Variants in GSG1L observed in about 807,000 individuals in gnomAD.
GSG1L encodes the protein GSG1 like.
Under a neutral mutation model 42.1 loss-of-function variants are expected in GSG1L, and 24 were observed. The observed-to-expected ratio is 0.57, with a 90% CI of 0.41 to 0.80. The LOEUF (loss-of-function observed/expected upper bound fraction) is 0.80, where lower values mean the gene tolerates loss of function less well. GSG1L is among the 30% of genes least tolerant of loss of function. GSG1L has a pLI of 0.00. For missense variants in GSG1L, 445 were observed against 472.2 expected (o/e 0.94, Z 0.53); for synonymous variants, 215 against 203.5 (o/e 1.06, Z -0.48).
chr16:28,048,072 AAT>A (rs1491212221), intron 1 of GSG1L, among the ~76,000 whole-genome samples: 9 of 149,784 alleles, frequency 6.0e-5, no homozygotes, highest in African/African-American at 2.3e-4. Context: ...AAAAAAAAAA[AAT>A]TTTAATTAGC....
chr16:27,806,506 C>G (rs28463124), intron 6 of GSG1L, among the ~76,000 whole-genome samples: 6,335 of 152,224 alleles, frequency 0.042, 144 homozygotes, highest in Admixed American at 0.071. Context: ...AAAAGTGGGA[C>G]AGGGATGGGA....
At chr16:28,022,908 G>A (rs1443640524) in intron 1 of GSG1L, among the ~76,000 whole-genome samples, 1 of 152,048 alleles carries the variant, frequency 6.6e-6, no homozygotes, top group East Asian at 1.9e-4. Context: ...CTGACCTCAT[G>A]ATCCGCCTGC....
chr16:27,869,524 T>C (rs1596570403), intron 3 of GSG1L, among the ~76,000 whole-genome samples: 1 of 147,298 alleles, frequency 6.8e-6, no homozygotes, highest in Admixed American at 6.7e-5. Context: ...TCCATCCATC[T>C]CTCTCTCCTC....
At chr16:27,797,991 C>T (rs923792517) in intron 6 of GSG1L, among the ~76,000 whole-genome samples, 5 of 151,962 alleles carry the variant, frequency 3.3e-5, no homozygotes, top group African/African-American at 1.2e-4. Flanking sequence ...CACATACGGC[C>T]ATAGAAAGGG....
At chr16:27,872,902 A>G (rs1354939912) in intron 3 of GSG1L, among the ~76,000 whole-genome samples, 1 of 152,182 alleles carries the variant, frequency 6.6e-6, no homozygotes, top group Non-Finnish European at 1.5e-5. Context: ...TGGTTTGCAT[A>G]TAATCAGGAA....
In GSG1L at chr16:28,063,277, C is replaced by T; in HGVS notation, c.148G>A (p.Ala50Thr). The change falls in exon 1 of 7, where the codon GCC becomes ACC. Residue 50 changes from alanine to threonine, a missense_variant. Ala to Thr is a moderately conservative substitution (Grantham distance 58). This residue lies in a region of GSG1L where 156 missense variants were observed against 128.3 expected (regional missense o/e 1.22). Transcript: ENST00000447459. This position sits in a 1 kb window ranked among gnomAD's most constrained non-coding sequence, Gnocchi z 5.8. ...TTGGCGCCCGAGTTGGGGCAGTTGG[C>T]GCGCCCGCCCTGGCCGCAGCCCGGC... ...PKPGCGQGGR[A>T]NCPNSGANAT... The T allele has an allele frequency of 7.3e-7, 1 of 1,362,496 alleles. No homozygotes were observed. The allele number at this position is 1,362,496 out of a possible 1,614,324, so 84.4% of individuals were successfully genotyped here.
At chr16:28,017,397 G>C (rs1438926674) in intron 1 of GSG1L, among the ~76,000 whole-genome samples, 1 of 152,178 alleles carries the variant, frequency 6.6e-6, no homozygotes, top group Non-Finnish European at 1.5e-5. Flanking sequence ...GCAACCACTT[G>C]GGAAAACTTC....
At chr16:27,816,719 G>A (rs1384394850) in intron 5 of GSG1L, among the ~76,000 whole-genome samples, 8 of 152,156 alleles carry the variant, frequency 5.3e-5, no homozygotes, top group Non-Finnish European at 7.4e-5. Flanking sequence ...ATGGGCCTTC[G>A]TGAGCAGTCC....
chr16:27,803,784 TATATATATATAGATAG>T (rs754978870), intron 6 of GSG1L, among the ~76,000 whole-genome samples: 6 of 92,114 alleles, frequency 6.5e-5, no homozygotes, highest in African/African-American at 2.3e-4. Context: ...TATATATATA[TATATATATATAGATAG>T]ATAGATATAG....
intron 3 of GSG1L, among the ~76,000 whole-genome samples, chr16:27,872,992 C>G (rs2083841640): frequency 6.6e-6 from 1 of 152,180 alleles, no homozygotes; most frequent in Admixed American, 6.5e-5. Flanking sequence ...CCTTTACTTT[C>G]CTAATAAAGT....
At chr16:27,904,930 C>T (rs564610712) in intron 2 of GSG1L, among the ~76,000 whole-genome samples, 4 of 152,280 alleles carry the variant, frequency 2.6e-5, no homozygotes, top group Admixed American at 1.3e-4. Flanking sequence ...CAGCCGCAGC[C>T]GACAGGTGGG....
chr16:27,977,895 T>C (rs138550880), intron 1 of GSG1L, among the ~76,000 whole-genome samples: 1 of 152,342 alleles, frequency 6.6e-6, no homozygotes, highest in African/African-American at 2.4e-5. Context: ...CATTTCTTCC[T>C]AGACCTTGTG....
rs190724774 is a variant in GSG1L, at chr16:27,932,131, C to T, written c.397+31025G>A. Among the ~76,000 whole-genome samples, 553 of 152,278 alleles carry T rather than the reference C, an allele frequency of 3.6e-3. 2 individuals are homozygous for T. Among genetic ancestry groups the T allele is most frequent in the Non-Finnish European group, 5.4e-3 (368 of 68,032 alleles). ...GCAGTGGCATGATCTCGGCTCACTG[C>T]AGCCTCTGTCTCCTGGGTTCAAGTA... On this transcript the variant is annotated intron_variant, in intron 2 of 6. Transcript: ENST00000447459.
At chr16:28,058,127 G>A (rs573853111) in intron 1 of GSG1L, among the ~76,000 whole-genome samples, 2 of 152,286 alleles carry the variant, frequency 1.3e-5, no homozygotes, top group South Asian at 4.1e-4. Context: ...TGAGTGAGCT[G>A]GGCTGGGGAG....
intron 5 of GSG1L, 134 bp from the exon 6 acceptor site, chr16:27,807,688 G>T: frequency 1.5e-6 from 1 of 673,254 alleles, no homozygotes; most frequent in Non-Finnish European, 2.5e-6. Flanking sequence ...TCCACCTGCT[G>T]CCCTGGGGGA....
chr16:27,897,727 C>G (rs566190216), intron 2 of GSG1L, among the ~76,000 whole-genome samples: 12 of 152,304 alleles, frequency 7.9e-5, no homozygotes, highest in African/African-American at 2.4e-4. Flanking sequence ...ACAGAGATAC[C>G]TCGCTGTGGT....
intron 2 of GSG1L, among the ~76,000 whole-genome samples, chr16:27,915,717 A>C (rs1231954539): frequency 2.0e-5 from 3 of 152,192 alleles, no homozygotes; most frequent in Non-Finnish European, 4.4e-5. Flanking sequence ...TTGAGGCTGC[A>C]GTGAGCTATG....
At chr16:27,839,300 T>C (rs1201054855) in intron 4 of GSG1L, among the ~76,000 whole-genome samples, 1 of 152,214 alleles carries the variant, frequency 6.6e-6, no homozygotes, top group Non-Finnish European at 1.5e-5. Context: ...TGGGCCAAAC[T>C]GCATAACTTC....
chr16:27,863,236 C>T (rs2083676011), intron 3 of GSG1L: 1 of 152,056 alleles, frequency 6.6e-6, no homozygotes, highest in Admixed American at 6.6e-5. Flanking sequence ...AATTTTTGGT[C>T]TTAAATTATA....
Sources: allele counts gnomAD v4.1 joint callset (sites outside exome capture counted in the v4.1 genomes callset), GRCh38; gene constraint gnomAD v4.1.1; regional missense constraint gnomAD v4.1.1; non-coding constraint Gnocchi (gnomAD v3.1); transcripts MANE v1.5; gene names NCBI Gene and HGNC (gene_info 2026-07-23, HGNC 2026-07-21).